Variants in LRRC66 observed in about 807,000 individuals in gnomAD.
The protein encoded by LRRC66 is leucine-rich repeat-containing protein 66.
LRRC66 carries 29 observed loss-of-function variants against 24.6 expected under a neutral mutation model. The ratio of observed to expected loss-of-function variants is 1.18; its 90% CI spans 0.88 to 1.61. LRRC66 has a LOEUF of 1.61. Ranked by LOEUF, LRRC66 falls within the 40% of genes most tolerant of loss-of-function variation. The probability of loss-of-function intolerance (pLI) is 0.00; values close to 1 mark genes in which losing one functional copy is unlikely to be tolerated. For synonymous variants in LRRC66, 411 were observed against 397.6 expected, an observed-to-expected ratio of 1.03 and a Z score of -0.40; for missense variants, 1,124 against 1,058.0, an observed-to-expected ratio of 1.06 and a Z score of -0.87.
intron 2 of LRRC66, among the ~76,000 whole-genome samples, chr4:52,004,958 T>G (rs903795696): frequency 2.0e-5 from 3 of 152,204 alleles, no homozygotes; most frequent in Admixed American, 6.5e-5. Flanking sequence ...GAAGTAAAGT[T>G]ACTAGTTATA....
intron 4 of LRRC66, among the ~76,000 whole-genome samples, chr4:51,997,186 C>T (rs535846899): frequency 1.3e-5 from 2 of 152,292 alleles, no homozygotes; most frequent in African/African-American, 4.8e-5. Flanking sequence ...GCCCCAGTAA[C>T]ATATTCCAGC....
Position 52,017,405 on chromosome 4 carries a change from T to A in LRRC66, c.209A>T (p.Asn70Ile). The A allele has an allele frequency of 6.2e-7, 1 of 1,614,184 alleles. No individual in the cohort carries two copies. Among genetic ancestry groups the A allele is most frequent in the East Asian group, 2.2e-5 (1 of 44,874 alleles). Residue 70 changes from asparagine to isoleucine, a missense_variant, in exon 2 of 5, where the codon AAT becomes ATT. Transcript: ENST00000682860. ...QTAATVDVSF[N>I]FFRVLLQSHT... ...AGACTGTAAGAGAACTCTAAAGAAA[T>A]TGAAACTTACATCCACAGTGGCTGC... is the stretch of plus-strand genomic sequence containing the variant.
rs746679565 is a variant in LRRC66 at position 52,003,337 on chromosome 4, C to A, written c.552G>T (p.Leu184Phe). ...QSLDLSFNGI[L>F]QIGWSDFHNC... ...TGTGAAAATCAGACCACCCTATTTG[C>A]AATATCCCATTGAATGACAGATCCA... The change falls in exon 3 of 5, where the codon TTG (leucine) becomes TTT (phenylalanine). Residue 184 changes from leucine to phenylalanine, a missense_variant. Coordinates refer to ENST00000682860, the MANE Select transcript of LRRC66 (RefSeq NM_001024611.3). The A allele has an allele frequency of 6.2e-7, 1 of 1,613,830 alleles. No homozygotes were observed. Among genetic ancestry groups the A allele is most frequent in the Non-Finnish European group, 8.5e-7 (1 of 1,179,836 alleles).
chr4:52,008,724 G>C (rs1736638706), intron 2 of LRRC66, among the ~76,000 whole-genome samples: 1 of 152,078 alleles, frequency 6.6e-6, no homozygotes, highest in Non-Finnish European at 1.5e-5. Context: ...TTTCAATAAA[G>C]ATTTGAAAGC....
intron 2 of LRRC66, among the ~76,000 whole-genome samples, chr4:52,010,881 T>C (rs1379065602): frequency 2.6e-5 from 4 of 152,330 alleles, no homozygotes; most frequent in South Asian, 4.1e-4. Flanking sequence ...GAACTTTTAA[T>C]ATATACAACG....
intron 2 of LRRC66, among the ~76,000 whole-genome samples, chr4:52,004,504 T>C (rs570636318): frequency 6.6e-6 from 1 of 152,338 alleles, no homozygotes; most frequent in South Asian, 2.1e-4. Context: ...AGGAGGTCCA[T>C]TTGGCACTGA....
Position 51,995,189 on chromosome 4 carries a change from C to A in LRRC66, c.1833G>T (p.Gln611His). 1 of 1,614,212 alleles carries A rather than the reference C, an allele frequency of 6.2e-7. No individual in the cohort carries two copies. The highest frequency in any genetic ancestry group is 8.5e-7 in the Non-Finnish European group (1 of 1,180,036). Residue 611 changes from glutamine (Q) to histidine (H), a missense_variant, in exon 5 of 5, where the codon CAG (glutamine) becomes CAT (histidine). Gln to His is a conservative substitution (Grantham distance 24). Coordinates refer to ENST00000682860, the MANE Select transcript of LRRC66 (RefSeq NM_001024611.3). ...GDSKERGGTE[Q>H]SLWDSQMEFS... ...ATTCCATCTGCGAGTCCCAAAGTGACTGTTCAGTGCCCCCTCTTTCCTTAC... is the reference window on the plus strand; with the variant it reads ...ATTCCATCTGCGAGTCCCAAAGTGAATGTTCAGTGCCCCCTCTTTCCTTAC...
Position 52,017,136 on chromosome 4 carries a change from G to A in LRRC66, c.478C>T (p.Leu160Phe), listed in dbSNP as rs1736830600. ...LKVLILQRNK[L>F]SDTPKGLWKL... ...TACTCACCCTTGGGAGTGTCACTGAGTTTATTTCTTTGAAGAATGAGCACC... is the reference window on the plus strand; with the variant it reads ...TACTCACCCTTGGGAGTGTCACTGAATTTATTTCTTTGAAGAATGAGCACC... The change falls in exon 2 of 5, where the codon CTC becomes TTC. Residue 160 changes from leucine to phenylalanine, a missense_variant. Physicochemically the swap from Leu to Phe is conservative, Grantham distance 22. Coordinates refer to ENST00000682860, the MANE Select transcript of LRRC66 (RefSeq NM_001024611.3). 1.2e-6 allele frequency: 2 copies of A among 1,613,556 alleles called. No homozygotes were observed. Among genetic ancestry groups the A allele is most frequent in the African/African-American group, 2.7e-5 (2 of 74,874 alleles).
At chr4:52,002,472 AG>A (rs1736478139) in intron 3 of LRRC66, among the ~76,000 whole-genome samples, 2 of 152,216 alleles carry the variant, frequency 1.3e-5, no homozygotes, top group African/African-American at 4.8e-5. Flanking sequence ...ATTCTCCCAA[AG>A]GGAAGGGTGT....
intron 1 of LRRC66, among the ~76,000 whole-genome samples, chr4:52,019,131 T>A (rs1736886989): frequency 6.6e-6 from 1 of 152,180 alleles, no homozygotes; most frequent in Admixed American, 6.5e-5. Flanking sequence ...CACCTTGGCC[T>A]CCCAAAGTGC....
chr4:52,001,094 T>C (rs538575484), intron 3 of LRRC66, among the ~76,000 whole-genome samples: 9 of 152,302 alleles, frequency 5.9e-5, no homozygotes, highest in Non-Finnish European at 1.3e-4. Flanking sequence ...ATGATGTATG[T>C]CCTCAAAGAG....
intron 2 of LRRC66, among the ~76,000 whole-genome samples, chr4:52,013,699 C>T (rs767283222): frequency 6.6e-6 from 1 of 152,194 alleles, no homozygotes; most frequent in Non-Finnish European, 1.5e-5. Context: ...ACTCTGAAGA[C>T]AGGGTTAGTT....
chr4:51,996,032 C>A lies in LRRC66; in HGVS notation c.990G>T (p.Thr330=), dbSNP rs377070528. The change falls in exon 5 of 5, where the codon ACG becomes ACT. Residue 330 remains threonine (T), a synonymous_variant. Coordinates refer to ENST00000682860, the MANE Select transcript of LRRC66 (RefSeq NM_001024611.3). ...KAERPQGGRH[T]GISTLGKKAK... is the part of the protein sequence containing the mutation. Reference sequence around the variant, plus strand: ...CCTTCTTCCCCAGAGTAGAAATGCCCGTGTGCCTTCCTCCCTGGGGCCTCT... The same window carrying A: ...CCTTCTTCCCCAGAGTAGAAATGCCAGTGTGCCTTCCTCCCTGGGGCCTCT... 1.9e-6 allele frequency: 3 copies of A among 1,613,810 alleles called. No homozygotes were observed. Among genetic ancestry groups the A allele is most frequent in the African/African-American group, 1.3e-5 (1 of 74,874 alleles).
At chr4:52,010,106 A>T (rs1736667004) in intron 2 of LRRC66, among the ~76,000 whole-genome samples, 1 of 152,200 alleles carries the variant, frequency 6.6e-6, no homozygotes, top group Non-Finnish European at 1.5e-5. Context: ...GTAGATCCAG[A>T]AAAGGTCTTG....
chr4:51,999,346 A>T (rs1736396885), intron 3 of LRRC66, among the ~76,000 whole-genome samples: 1 of 152,238 alleles, frequency 6.6e-6, no homozygotes, highest in South Asian at 2.1e-4. Flanking sequence ...GCAAATAATC[A>T]AACACTGCCA....
At chr4:52,001,675 T>C (rs931301030) in intron 3 of LRRC66, among the ~76,000 whole-genome samples, 3 of 152,204 alleles carry the variant, frequency 2.0e-5, no homozygotes, top group Non-Finnish European at 2.9e-5. Context: ...CCTAAGATAG[T>C]GTGGCTGGAA....
intron 2 of LRRC66, among the ~76,000 whole-genome samples, chr4:52,009,389 A>G (rs1429513751): frequency 1.3e-5 from 2 of 152,168 alleles, no homozygotes; most frequent in African/African-American, 2.4e-5. Context: ...AGGAAATCAT[A>G]AAGATCAGAG....
chr4:52,003,963 T>C (rs1736515401), intron 2 of LRRC66, among the ~76,000 whole-genome samples: 1 of 152,184 alleles, frequency 6.6e-6, no homozygotes, highest in Admixed American at 6.5e-5. Flanking sequence ...TTTGATGCTT[T>C]ATCTACATGG....
chr4:52,008,801 C>A (rs893082509), intron 2 of LRRC66, among the ~76,000 whole-genome samples: 1 of 151,984 alleles, frequency 6.6e-6, no homozygotes, highest in Non-Finnish European at 1.5e-5. Flanking sequence ...AAAAATGAAA[C>A]CAGATAGAAG....
Sources: gnomAD v4.1 joint callset for allele counts (sites outside exome capture counted in the v4.1 genomes callset) on GRCh38, gnomAD v4.1.1 for gene constraint, MANE v1.5 for transcripts, NCBI Gene and HGNC (gene_info 2026-07-23, HGNC 2026-07-21) for gene names.